Variants in GSN observed in about 807,000 individuals in gnomAD.
GSN encodes actin-depolymerizing factor.
GSN carries 56 observed loss-of-function variants against 85.7 expected under a neutral mutation model. The ratio of observed to expected loss-of-function variants is 0.65; its 90% CI spans 0.53 to 0.82. GSN has a LOEUF of 0.82. Among genes scored for constraint, GSN ranks in the 40% least tolerant of loss-of-function variants. GSN has a pLI of 0.00. For missense variants in GSN, 857 were observed against 979.8 expected (o/e 0.87, Z 1.67); for synonymous variants, 373 against 399.1 (o/e 0.93, Z 0.78).
Position 121,299,742 on chromosome 9 carries a change from C to T in GSN, c.-9-2221C>T. 2 of 1,112,530 alleles carry T rather than the reference C, an allele frequency of 1.8e-6. No homozygotes were observed. Among genetic ancestry groups the T allele is most frequent in the South Asian group, 6.2e-5 (2 of 32,520 alleles). The allele number at this position is 1,112,530 out of a possible 1,614,324, so 68.9% of individuals were successfully genotyped here. On this transcript the variant is annotated intron_variant, in intron 2 of 17. Transcript: ENST00000432226. The surrounding 1 kb of genome is among the most constrained non-coding windows in gnomAD (Gnocchi z 4.2). ...ATGTCTCCAAGATCCGAGACAGATC[C>T]CCGCCCCGCGCCCTCCCTGGGGGGC...
intron 4 of GSN, among the ~76,000 whole-genome samples, chr9:121,215,690 T>C (rs2054051217): frequency 6.6e-6 from 1 of 151,332 alleles, no homozygotes; most frequent in Non-Finnish European, 1.5e-5. Flanking sequence ...TAAGACTCTG[T>C]TTCAAAAAAA....
chr9:121,206,592 G>A (rs966169149), upstream of GSN, among the ~76,000 whole-genome samples: 4 of 152,000 alleles, frequency 2.6e-5, no homozygotes, highest in Admixed American at 2.0e-4. Context: ...TGACATTAAT[G>A]AGGTAAAAAG....
At position 121,313,321 on chromosome 9, in the gene GSN, A is replaced by G. The variant is rs192748115; in HGVS notation, c.664-613A>G. 1.1e-4 allele frequency: 19 copies of G among 171,158 alleles called. No homozygotes were observed. In the East Asian group the frequency reaches 2.9e-3, roughly 27 times the overall value. 10.6% of individuals were successfully genotyped at this position (171,158 alleles called of 1,614,324 possible). A position where few individuals can be genotyped will look rare whatever the true frequency, so the allele number is the denominator to read the frequency against. ...AGGAGAAGACCATGAGCTCTGCTCC[A>G]TGTCACTTGGTTCCTGCTTCTCTGG... On this transcript the variant is annotated intron_variant, in intron 6 of 17. Transcript: ENST00000432226.
At chr9:121,251,687 G>A (rs1220021438) in intron 6 of GSN, among the ~76,000 whole-genome samples, 1 of 152,082 alleles carries the variant, frequency 6.6e-6, no homozygotes, top group African/African-American at 2.4e-5. Context: ...GGCCAGGCGC[G>A]ATGGCTCACA....
chr9:121,294,545 C>T (rs371809156), intron 2 of GSN, among the ~76,000 whole-genome samples: 140 of 152,284 alleles, frequency 9.2e-4, no homozygotes, highest in African/African-American at 2.9e-3. Flanking sequence ...GGGCTGGCTC[C>T]GGAAGCTGGG....
Position 121,261,719 on chromosome 9 carries a change from C to T in GSN, c.-340-3435C>T, listed in dbSNP as rs184735606. Among the ~76,000 whole-genome samples the T allele has an allele frequency of 6.6e-6, 1 of 152,314 alleles. No individual in the cohort carries two copies. The highest frequency in any genetic ancestry group is 1.9e-4 in the East Asian group (1 of 5,182). On this transcript the variant is annotated intron_variant, in intron 6 of 24. Coordinates refer to the GSN transcript ENST00000373823. This position sits in a 1 kb window ranked among gnomAD's most constrained non-coding sequence, Gnocchi z 4.1. ...ACCCTGTATCCCTGACACACTGGCT[C>T]AAGCTCATTCACCTTAAACACCTCC...
chr9:121,263,689 G>A (rs1462810976), upstream of GSN, among the ~76,000 whole-genome samples: 8 of 151,966 alleles, frequency 5.3e-5, no homozygotes, highest in East Asian at 1.4e-3. Flanking sequence ...TCGGGAGTTC[G>A]AGACCAGCCT....
At chr9:121,238,968 C>T in intron 5 of GSN, 1 of 532,068 alleles carries the variant, frequency 1.9e-6, no homozygotes, top group Non-Finnish European at 3.8e-6. Context: ...GTTCAGGCAG[C>T]ACATTGATAG....
chr9:121,280,541 G>A (rs964888655), intron 1 of GSN: 5 of 152,298 alleles, frequency 3.3e-5, no homozygotes, highest in South Asian at 4.2e-4. Flanking sequence ...ACAGAGCTGC[G>A]AATATGACAT....
intron 4 of GSN, among the ~76,000 whole-genome samples, chr9:121,219,134 C>T (rs2054120938): frequency 6.6e-6 from 1 of 152,174 alleles, no homozygotes; most frequent in African/African-American, 2.4e-5. Context: ...GGGGCCAACT[C>T]CTCTGGCCGG....
chr9:121,274,509 T>TAA (rs149710086), intron 1 of GSN, among the ~76,000 whole-genome samples: 1 of 150,768 alleles, frequency 6.6e-6, no homozygotes, highest in African/African-American at 2.4e-5. Flanking sequence ...TTTTTCTTGT[T>TAA]AAAAAAAAAA....
chr9:121,216,173 C>T (rs1006573206), intron 4 of GSN, among the ~76,000 whole-genome samples: 13 of 152,152 alleles, frequency 8.5e-5, no homozygotes, highest in Non-Finnish European at 1.8e-4. Context: ...GTCTCAAACT[C>T]CTGACTTCAG....
chr9:121,205,759 C>T (rs890296827), upstream of GSN, among the ~76,000 whole-genome samples: 2 of 152,016 alleles, frequency 1.3e-5, no homozygotes, highest in African/African-American at 4.8e-5. Context: ...CCTGCTCTGG[C>T]TTCATTTCTG....
At chr9:121,279,900 A>T (rs2057144858) in intron 1 of GSN, 1 of 152,172 alleles carries the variant, frequency 6.6e-6, no homozygotes, top group Non-Finnish European at 1.5e-5. Flanking sequence ...ATAGTCTTTG[A>T]GAAAGACCCA....
At position 121,327,300 on chromosome 9, in the gene GSN, C is replaced by G. The variant is rs1323862286; in HGVS notation, c.1588-8C>G. ...TGGTTCCTGATTAACCAAGCTGTAC[C>G]CTCCCAGGTATTGCCTAAGGCTGGT... On this transcript the variant is annotated splice_polypyrimidine_tract_variant and splice_region_variant and intron_variant, in intron 13 of 17. Transcript: ENST00000432226. 2 of 1,612,522 alleles carry G rather than the reference C, an allele frequency of 1.2e-6. No individual in the cohort carries two copies. Among genetic ancestry groups the G allele is most frequent in the South Asian group, 2.2e-5 (2 of 91,024 alleles).
At chr9:121,250,202 CTT>C (rs542805619) in intron 6 of GSN, among the ~76,000 whole-genome samples, 2,582 of 127,514 alleles carry the variant, frequency 0.02, 54 homozygotes, top group African/African-American at 0.082. Context: ...AGATCCTTCT[CTT>C]TTTTTTTTTT....
intron 2 of GSN, among the ~76,000 whole-genome samples, chr9:121,291,764 C>T (rs1264069238): frequency 1.3e-5 from 2 of 152,072 alleles, no homozygotes; most frequent in South Asian, 2.1e-4. Flanking sequence ...GTATCAAGTT[C>T]TGGTGAGTCC....
intron 4 of GSN, among the ~76,000 whole-genome samples, chr9:121,218,589 C>T (rs1215029563): frequency 2.0e-5 from 3 of 152,100 alleles, no homozygotes; most frequent in African/African-American, 4.8e-5. Flanking sequence ...AAGCCGATAA[C>T]GCACCACTGC....
intron 6 of GSN, among the ~76,000 whole-genome samples, chr9:121,257,508 C>A (rs186467031): frequency 5.9e-5 from 9 of 152,310 alleles, no homozygotes; most frequent in African/African-American, 2.2e-4. Flanking sequence ...ATAACCCCTT[C>A]CATTAGCTCA....
Sources: gnomAD v4.1 joint callset for allele counts (sites outside exome capture counted in the v4.1 genomes callset) on GRCh38, gnomAD v4.1.1 for gene constraint, Gnocchi (gnomAD v3.1) non-coding constraint, MANE v1.5 for transcripts, NCBI Gene and HGNC (gene_info 2026-07-23, HGNC 2026-07-21) for gene names.